TAFA4: variants seen among roughly 807,000 people sequenced by gnomAD.
TAFA4 encodes chemokine-like protein TAFA-4.
In TAFA4, 20 loss-of-function variants were observed where a neutral mutation model predicts 21.1. The observed-to-expected ratio is 0.95, with a 90% confidence interval of 0.67 to 1.38. The LOEUF is 1.38. Among genes scored for constraint, TAFA4 ranks in the 40% most tolerant of loss-of-function variants. The pLI, the probability that TAFA4 is intolerant of heterozygous loss-of-function variation, is 0.00. For synonymous variants in TAFA4, 71 were observed against 67.4 expected (o/e 1.05, Z -0.26); for missense variants, 211 against 180.9 (o/e 1.17, Z -0.95).
At chr3:68,904,426 C>T (rs1276212579) in intron 1 of TAFA4, among the ~76,000 whole-genome samples, 1 of 152,206 alleles carries the variant, frequency 6.6e-6, no homozygotes, top group Non-Finnish European at 1.5e-5. Flanking sequence ...CAGAAGTCCA[C>T]AGACAAAGAG....
chr3:68,739,229 G>T, intron 4 of TAFA4, 30 bp from the exon 5 acceptor site: 1 of 1,612,260 alleles, frequency 6.2e-7, no homozygotes, highest in South Asian at 1.1e-5. Flanking sequence ...TAATATTTGT[G>T]ACACTGTTTC....
intron 3 of TAFA4, among the ~76,000 whole-genome samples, chr3:68,755,513 C>T (rs896899191): frequency 1.3e-5 from 2 of 152,192 alleles, no homozygotes; most frequent in Non-Finnish European, 2.9e-5. Context: ...GTGGCTGCCA[C>T]CCTCTAAGAT....
At chr3:68,752,170 G>A (rs374350508) in intron 4 of TAFA4, among the ~76,000 whole-genome samples, 6 of 152,150 alleles carry the variant, frequency 3.9e-5, no homozygotes, top group Admixed American at 6.5e-5. Context: ...GGGAGGTTTC[G>A]TGACACTGCA....
chr3:68,924,525 A>G (rs536815244), intron 1 of TAFA4, among the ~76,000 whole-genome samples: 2 of 152,352 alleles, frequency 1.3e-5, no homozygotes, highest in African/African-American at 2.4e-5. Flanking sequence ...TCAGTTTTGC[A>G]CCACGAAAAA....
chr3:68,809,486 A>T (rs1456834856), intron 3 of TAFA4, among the ~76,000 whole-genome samples: 1 of 150,818 alleles, frequency 6.6e-6, no homozygotes, highest in African/African-American at 2.4e-5. Context: ...AAATAGTGAA[A>T]TCTAAAATAT....
At chr3:68,908,674 T>G (rs1018267314) in intron 1 of TAFA4, among the ~76,000 whole-genome samples, 1 of 152,226 alleles carries the variant, frequency 6.6e-6, no homozygotes, top group Admixed American at 6.5e-5. Context: ...GGAAAAGGAC[T>G]GCACATAGAA....
At chr3:68,789,034 C>T (rs1454819711) in intron 3 of TAFA4, among the ~76,000 whole-genome samples, 1 of 152,058 alleles carries the variant, frequency 6.6e-6, no homozygotes, top group Non-Finnish European at 1.5e-5. Context: ...GAGACCAAGG[C>T]CATCCTGGCT....
intron 3 of TAFA4, among the ~76,000 whole-genome samples, chr3:68,793,590 T>C (rs1703403679): frequency 6.6e-6 from 1 of 152,188 alleles, no homozygotes; most frequent in Non-Finnish European, 1.5e-5. Context: ...TATGAATCAA[T>C]GCTCTCTCCT....
intron 3 of TAFA4, among the ~76,000 whole-genome samples, chr3:68,781,250 C>G (rs1026038436): frequency 2.7e-5 from 4 of 146,902 alleles, no homozygotes; most frequent in Non-Finnish European, 5.9e-5. Flanking sequence ...TAAAGAAGAG[C>G]AAATTAAATC....
chr3:68,792,198 A>G (rs1424236574), intron 3 of TAFA4, among the ~76,000 whole-genome samples: 1 of 152,250 alleles, frequency 6.6e-6, no homozygotes, highest in African/African-American at 2.4e-5. Flanking sequence ...AGTATTACTT[A>G]TCAAGAATAA....
chr3:68,740,140 G>A (rs1187634647), intron 4 of TAFA4, among the ~76,000 whole-genome samples: 1 of 152,140 alleles, frequency 6.6e-6, no homozygotes, highest in Non-Finnish European at 1.5e-5. Context: ...TTCTTCATTT[G>A]AAAAGTAGAT....
At chr3:68,786,555 C>G (rs957951307) in intron 3 of TAFA4, among the ~76,000 whole-genome samples, 2 of 152,240 alleles carry the variant, frequency 1.3e-5, no homozygotes, top group African/African-American at 4.8e-5. Flanking sequence ...ACACTTTCTA[C>G]TGTTTGAAAT....
At chr3:68,878,472 T>G (rs1337236555) in intron 3 of TAFA4, among the ~76,000 whole-genome samples, 1 of 152,210 alleles carries the variant, frequency 6.6e-6, no homozygotes, top group Admixed American at 6.5e-5. Flanking sequence ...TTTCTGAAAC[T>G]TCCTTCCAGA....
chr3:68,812,741 C>T (rs565848305), intron 3 of TAFA4, among the ~76,000 whole-genome samples: 10 of 152,158 alleles, frequency 6.6e-5, no homozygotes, highest in South Asian at 6.2e-4. Context: ...CTTTAACACC[C>T]GGCTGTCAAC....
At chr3:68,909,174 AC>A (rs376466404) in intron 1 of TAFA4, among the ~76,000 whole-genome samples, 5 of 152,242 alleles carry the variant, frequency 3.3e-5, no homozygotes, top group African/African-American at 1.2e-4. Flanking sequence ...AGGATGGCAA[AC>A]CCCCCAAAAA....
At chr3:68,879,528 G>A (rs563073285) in intron 3 of TAFA4, among the ~76,000 whole-genome samples, 4 of 152,208 alleles carry the variant, frequency 2.6e-5, no homozygotes, top group South Asian at 4.2e-4. Context: ...CACTATCCTC[G>A]TGAACAAACT....
At chr3:68,834,350 T>C (rs993012784) in intron 3 of TAFA4, among the ~76,000 whole-genome samples, 4 of 152,218 alleles carry the variant, frequency 2.6e-5, no homozygotes, top group South Asian at 2.1e-4. Flanking sequence ...TTATCAATTA[T>C]ACAGCTGAAA....
At chr3:68,830,141 C>T (rs932355864) in intron 3 of TAFA4, among the ~76,000 whole-genome samples, 1 of 152,062 alleles carries the variant, frequency 6.6e-6, no homozygotes. Flanking sequence ...AAAACCAGCT[C>T]CTGGATTCAT....
intron 4 of TAFA4, among the ~76,000 whole-genome samples, chr3:68,745,529 G>GA (rs1397962484): frequency 1.3e-5 from 2 of 152,150 alleles, no homozygotes; most frequent in South Asian, 4.1e-4. Context: ...CAGAAAGAAA[G>GA]AAAAAAATAA....
Sources: allele counts gnomAD v4.1 joint callset (sites outside exome capture counted in the v4.1 genomes callset), GRCh38; gene constraint gnomAD v4.1.1; transcripts MANE v1.5; gene names NCBI Gene and HGNC (gene_info 2026-07-23, HGNC 2026-07-21).